PRH1: variants seen among roughly 807,000 people sequenced by gnomAD.
PRH1 encodes the protein proline rich protein HaeIII subfamily 1.
A neutral mutation model predicts 7.9 loss-of-function variants in PRH1; 7 were observed. The ratio of observed to expected loss-of-function variants is 0.89; its 90% CI spans 0.50 to 1.67. PRH1 has a LOEUF of 1.67. Ranked by LOEUF, PRH1 falls within the 40% of genes most tolerant of loss-of-function variation. The pLI, the probability that PRH1 is intolerant of heterozygous loss-of-function variation, is 0.00. For synonymous variants in PRH1, 45 were observed against 80.8 expected (o/e 0.56, Z 2.38); for missense variants, 109 against 223.6 (o/e 0.49, Z 3.27).
At chr12:10,940,171 T>C (rs1950375284) in intron 2 of PRH1, among the ~76,000 whole-genome samples, 1 of 152,106 alleles carries the variant, frequency 6.6e-6, no homozygotes, top group Admixed American at 6.6e-5. Flanking sequence ...GAATAATACT[T>C]TTCTATTATT....
upstream of PRH1, chr12:11,048,973 T>A (rs1379537686): frequency 3.5e-6 from 1 of 283,462 alleles, no homozygotes; most frequent in Non-Finnish European, 7.1e-6. Context: ...ACCCAGATGC[T>A]GAAATGCTTG....
Position 10,893,891 on chromosome 12 carries a change from C to T in PRH1, c.-58-9616G>A, listed in dbSNP as rs181618546. ...TCATTTTAAATATTTATTACTGTTA[C>T]CTTAAACTTGCGATTGTGTTCTTTT... On this transcript the variant is annotated intron_variant, in intron 2 of 3. Transcript: ENST00000539853. 8.5e-5 allele frequency among the ~76,000 whole-genome samples: 13 copies of T among 152,088 alleles called. No homozygotes were observed. The East Asian group carries it at 1.9e-3, about 23-fold the overall frequency.
chr12:11,111,191 C>A (rs754096240), intron 1 of PRH1, among the ~76,000 whole-genome samples: 1 of 152,182 alleles, frequency 6.6e-6, no homozygotes, highest in South Asian at 2.1e-4. Flanking sequence ...TAGACTCCCA[C>A]ACAATAATAG....
intron 1 of PRH1, among the ~76,000 whole-genome samples, chr12:11,071,578 T>C (rs1387257928): frequency 6.6e-6 from 1 of 152,188 alleles, no homozygotes. Context: ...ACAGGCAGGA[T>C]TGCTCTCCTG....
At chr12:10,986,936 AT>A in intron 1 of PRH1, 1 of 1,027,026 alleles carries the variant, frequency 9.7e-7, no homozygotes, top group Non-Finnish European at 1.4e-6. Flanking sequence ...CTGACCTTAA[AT>A]TTTATGTGCA....
chr12:11,147,227 G>A (rs1242047820), intron 1 of PRH1, among the ~76,000 whole-genome samples: 1 of 152,082 alleles, frequency 6.6e-6, no homozygotes, highest in East Asian at 1.9e-4. Context: ...TCTCACTCCA[G>A]TTGCCCAGGC....
intron 2 of PRH1, among the ~76,000 whole-genome samples, chr12:10,905,130 A>G (rs1949784886): frequency 6.6e-6 from 1 of 152,178 alleles, no homozygotes; most frequent in African/African-American, 2.4e-5. Context: ...GATTTCTCAA[A>G]GAACTTAAAA....
Position 10,908,925 on chromosome 12 carries a change from C to A in PRH1, c.-58-24650G>T, listed in dbSNP as rs772614164. 3 of 1,613,226 alleles carry A rather than the reference C, an allele frequency of 1.9e-6. No individual in the cohort carries two copies. The South Asian group carries it at 3.3e-5, about 18-fold the overall frequency. ...TATCATCAGAATCACTTTGTTTACT[C>A]TCCACTTCAAATAGAGAAAAGCAGG... On this transcript the variant is annotated intron_variant, in intron 2 of 3. Coordinates refer to the PRH1 transcript ENST00000539853.
rs1205636193 is a variant in PRH1, at chr12:11,087,229, G to C, written n.124-40041C>G. Reference sequence around the variant, plus strand: ...CAATCCTCCTGCCTCAGCTTCCCAAGTATTTGGGACTATAGGCATGCACCA... The same window carrying C: ...CAATCCTCCTGCCTCAGCTTCCCAACTATTTGGGACTATAGGCATGCACCA... On this transcript the variant is annotated intron_variant and non_coding_transcript_variant, in intron 1 of 4. Coordinates refer to the PRH1 transcript ENST00000541977. Among the ~76,000 whole-genome samples the C allele has an allele frequency of 2.6e-5, 3 of 116,310 alleles. 1 individual carries two copies. Among genetic ancestry groups the C allele is most frequent in the Non-Finnish European group, 6.1e-5 (3 of 49,114 alleles). The allele number at this position is 116,310 out of a possible 152,430, so 76.3% of individuals were successfully genotyped here. A position where few individuals can be genotyped will look rare whatever the true frequency, so the allele number is the denominator to read the frequency against.
intron 2 of PRH1, among the ~76,000 whole-genome samples, chr12:10,889,917 G>A (rs1949546459): frequency 6.6e-6 from 1 of 151,132 alleles, no homozygotes; most frequent in South Asian, 2.1e-4. Flanking sequence ...CATTCATTTT[G>A]AGTGTCTACC....
At chr12:10,966,569 A>G (rs139457604) in intron 2 of PRH1, among the ~76,000 whole-genome samples, 73 of 152,330 alleles carry the variant, frequency 4.8e-4, no homozygotes, top group African/African-American at 1.6e-3. Flanking sequence ...TCCAAGATGC[A>G]GAACTTGGCC....
At chr12:11,154,745 A>T (rs1947202449) in intron 1 of PRH1, among the ~76,000 whole-genome samples, 1 of 152,224 alleles carries the variant, frequency 6.6e-6, no homozygotes, top group East Asian at 1.9e-4. Flanking sequence ...TCATTTGATG[A>T]GATTCCTAGA....
intron 1 of PRH1, among the ~76,000 whole-genome samples, chr12:11,008,248 C>A (rs1940914942): frequency 6.6e-6 from 1 of 152,030 alleles, no homozygotes; most frequent in African/African-American, 2.4e-5. Flanking sequence ...TAAGTAGTTT[C>A]TTTTCCCCTT....
At chr12:10,906,015 A>G (rs1591664558) in intron 2 of PRH1, among the ~76,000 whole-genome samples, 1 of 152,190 alleles carries the variant, frequency 6.6e-6, no homozygotes, top group Admixed American at 6.5e-5. Flanking sequence ...TAAATAAACT[A>G]CAAGAGAGTT....
chr12:10,913,596 T>C (rs1045755320), intron 2 of PRH1, among the ~76,000 whole-genome samples: 3 of 152,250 alleles, frequency 2.0e-5, no homozygotes, highest in African/African-American at 7.2e-5. Context: ...GTACATAGCA[T>C]AGAGGTCGTA....
At position 10,910,540 on chromosome 12, in the gene PRH1, C is replaced by T. The variant is rs530859278; in HGVS notation, c.-58-26265G>A. 1.2e-4 allele frequency among the ~76,000 whole-genome samples: 18 copies of T among 152,074 alleles called. 1 individual carries two copies. The South Asian group carries it at 3.8e-3, about 32-fold the overall frequency. ...GGTGTCTCTCACTCTCTCAAGATACCTTACTGTACTGTACACACCTATTTT... is the reference window on the plus strand; with the variant it reads ...GGTGTCTCTCACTCTCTCAAGATACTTTACTGTACTGTACACACCTATTTT... On this transcript the variant is annotated intron_variant, in intron 2 of 3. Transcript: ENST00000539853.
At chr12:11,023,633 C>T (rs1013457880) in intron 1 of PRH1, among the ~76,000 whole-genome samples, 21 of 152,110 alleles carry the variant, frequency 1.4e-4, no homozygotes, top group Non-Finnish European at 3.1e-4. Flanking sequence ...TTTAAGATGG[C>T]TTCCATATTG....
intron 1 of PRH1, among the ~76,000 whole-genome samples, chr12:11,014,532 T>C (rs1489773764): frequency 1.2e-4 from 18 of 152,130 alleles, no homozygotes; most frequent in South Asian, 4.1e-4. Context: ...AAAATACTTA[T>C]AAACCAAGAG....
chr12:10,986,832 G>C, intron 1 of PRH1: 2 of 1,509,194 alleles, frequency 1.3e-6, no homozygotes, highest in Non-Finnish European at 1.8e-6. Flanking sequence ...TATTAGAATT[G>C]AAAAAAAAAT....
Sources: gnomAD v4.1 joint callset for allele counts (sites outside exome capture counted in the v4.1 genomes callset) on GRCh38, gnomAD v4.1.1 for gene constraint, MANE v1.5 for transcripts, NCBI Gene and HGNC (gene_info 2026-07-23, HGNC 2026-07-21) for gene names.